The following COPZ2 variants were observed in gnomAD, a reference collection of about 807,000 sequenced individuals.
The protein encoded by COPZ2 is coatomer subunit zeta-2.
In COPZ2, 30 loss-of-function variants were observed where a neutral mutation model predicts 33.2. The ratio of observed to expected loss-of-function variants is 0.90; its 90% confidence interval spans 0.68 to 1.23. COPZ2 has a LOEUF of 1.23. COPZ2 is among the 50% of genes most tolerant of loss of function. The probability of loss-of-function intolerance (pLI) is 0.00; values close to 1 mark genes in which losing one functional copy is unlikely to be tolerated. For missense variants in COPZ2, 263 were observed against 262.4 expected (o/e 1.00, Z -0.02); for synonymous variants, 89 against 102.6 (o/e 0.87, Z 0.80).
chr17:48,029,273 C>G, intron 6 of COPZ2, 97 bp from the exon 7 acceptor site: 2 of 1,048,250 alleles, frequency 1.9e-6, no homozygotes, highest in South Asian at 1.4e-5. Context: ...CCGAAGGCAT[C>G]CTGCAACATC....
intron 2 of COPZ2, 47 bp from the exon 3 acceptor site, chr17:48,033,991 G>T: frequency 7.3e-7 from 1 of 1,361,178 alleles, no homozygotes; most frequent in South Asian, 1.2e-5. Flanking sequence ...CACACAGCCT[G>T]GATCCTCCCT....
rs1423261463 is a variant in COPZ2, at chr17:48,026,463, C to A, written c.598G>T (p.Ala200Ser). 6.2e-7 allele frequency: 1 copy of A among 1,610,814 alleles called. No individual in the cohort carries two copies. The highest frequency in any genetic ancestry group is 8.5e-7 in the Non-Finnish European group (1 of 1,177,290). Residue 200 changes from alanine (A) to serine (S), a missense_variant, in exon 9 of 9, where the codon GCC becomes TCC. Ala to Ser is a moderately conservative substitution (Grantham distance 99). Transcript: ENST00000621465. ...EQSVAQVLQS[A>S]KEQIKWSLLK ...AACGACCATTTAATTTGTTCCTTGG[C>A]AGACTGAAGAACCTGGGGTGGGGTG...
At chr17:48,040,457 G>A (rs892671647), upstream of COPZ2, among the ~76,000 whole-genome samples, 6 of 145,676 alleles carry the variant, frequency 4.1e-5, no homozygotes, top group Non-Finnish European at 6.0e-5. Context: ...TTTTTGAGAC[G>A]GAGTCTTGCT....
intron 8 of COPZ2, 84 bp from the exon 9 acceptor site, chr17:48,026,559 C>T (rs372467812): frequency 4.0e-6 from 4 of 988,628 alleles, no homozygotes; most frequent in Non-Finnish European, 6.3e-6. Flanking sequence ...CACAGCCCAC[C>T]TTGCCGAAGC....
At chr17:48,046,078 C>T in the COPZ2 span, 1 of 152,198 alleles carries the variant, frequency 6.6e-6, no homozygotes, top group African/African-American at 2.4e-5. Flanking sequence ...TGTCTCTACA[C>T]CTTTACTCTC....
upstream of COPZ2, among the ~76,000 whole-genome samples, chr17:48,040,665 T>C (rs1446561157): frequency 6.7e-6 from 1 of 148,614 alleles, no homozygotes; most frequent in Non-Finnish European, 1.5e-5. Context: ...TCTCTTGACC[T>C]TGTGATCTGC....
In COPZ2 at chr17:48,029,185, T is replaced by C. The variant is rs2036856644; in HGVS notation, c.495-9A>G. 1 of 1,569,260 alleles carries C rather than the reference T, an allele frequency of 6.4e-7. No homozygotes were observed. The highest frequency in any genetic ancestry group is 1.9e-5 in the Admixed American group (1 of 53,114). Reference sequence around the variant, plus strand: ...CACTCTCCAGAATCACACTACAAGATGAGAGGAAAAACCAGGAGGCAAATC... The same window carrying C: ...CACTCTCCAGAATCACACTACAAGACGAGAGGAAAAACCAGGAGGCAAATC... On this transcript the variant is annotated splice_polypyrimidine_tract_variant and intron_variant, in intron 6 of 8. Coordinates refer to ENST00000621465, the MANE Select transcript of COPZ2 (RefSeq NM_016429.4).
chr17:48,043,586 G>A, the COPZ2 span: 3 of 984,884 alleles, frequency 3.0e-6, no homozygotes, highest in Non-Finnish European at 3.6e-6. Flanking sequence ...ACCATTCTAA[G>A]GACAGCTCTC....
upstream of COPZ2, among the ~76,000 whole-genome samples, chr17:48,041,800 G>A (rs2037064584): frequency 1.5e-5 from 2 of 133,618 alleles, no homozygotes; most frequent in African/African-American, 5.9e-5. Flanking sequence ...ATTTCTGTGA[G>A]CTAGTCCATT....
chr17:48,042,772 CTT>C (rs1368134469), upstream of COPZ2, among the ~76,000 whole-genome samples: 10 of 152,280 alleles, frequency 6.6e-5, no homozygotes, highest in East Asian at 1.7e-3. Context: ...CATAAAATCT[CTT>C]TACATCTTAG....
upstream of COPZ2, among the ~76,000 whole-genome samples, chr17:48,041,168 GACA>G (rs2037058199): frequency 9.5e-6 from 1 of 105,202 alleles, no homozygotes; most frequent in Non-Finnish European, 2.0e-5. Flanking sequence ...AAAAAAAAAA[GACA>G]ACATATTTTA....
At position 48,033,281 on chromosome 17, in the gene COPZ2, C is replaced by T. The variant is rs372127390; in HGVS notation, c.290G>A (p.Gly97Asp). The change falls in exon 4 of 9, where the codon GGT (glycine) becomes GAT (aspartate). Residue 97 changes from glycine (G) to aspartate (D), a missense_variant. Physicochemically the swap from Gly to Asp is moderately conservative, Grantham distance 94. Transcript: ENST00000621465. ...RTESEIAFFG[G>D]MTIVYKNSID... ...GCTGTTCTTGTAGACGATGGTCATA[C>T]CCCCAAAAAATGCAATCTCACCTAG... The T allele has an allele frequency of 9.9e-6, 16 of 1,612,370 alleles. 2 individuals are homozygous for T. The highest frequency in any genetic ancestry group is 9.9e-5 in the South Asian group (9 of 90,766).
chr17:48,040,770 T>TA (rs2037054075), upstream of COPZ2, among the ~76,000 whole-genome samples: 1 of 151,944 alleles, frequency 6.6e-6, no homozygotes, highest in Non-Finnish European at 1.5e-5. Flanking sequence ...AGTAAATGAA[T>TA]AAAGGAATTC....
At chr17:48,044,768 G>A in the COPZ2 span, among the ~76,000 whole-genome samples, 4 of 152,212 alleles carry the variant, frequency 2.6e-5, no homozygotes, top group South Asian at 8.3e-4. Context: ...GTCCGGATTT[G>A]CCAGAAAACT....
At chr17:48,044,722 CTGA>C in the COPZ2 span, among the ~76,000 whole-genome samples, 1 of 152,128 alleles carries the variant, frequency 6.6e-6, no homozygotes, top group South Asian at 2.1e-4. Flanking sequence ...AACAAGCTTG[CTGA>C]TGATGTTTAC....
rs1241346841 is a variant in COPZ2 at position 48,028,152 on chromosome 17, G to T, written c.585+320C>A. 2.0e-5 allele frequency among the ~76,000 whole-genome samples: 3 copies of T among 152,134 alleles called. No individual in the cohort carries two copies. The highest frequency in any genetic ancestry group is 1.9e-4 in the East Asian group (1 of 5,196). ...AGGCCTGAGTTCCCAGATTTTTGGG[G>T]TGCACAAGTGACCCAGCCATCTCCA... On this transcript the variant is annotated intron_variant, in intron 8 of 8. Transcript: ENST00000621465. This position sits in a 1 kb window ranked among gnomAD's most constrained non-coding sequence, Gnocchi z 4.5.
chr17:48,043,866 G>T, the COPZ2 span, among the ~76,000 whole-genome samples: 16,184 of 152,170 alleles, frequency 0.11, 1,108 homozygotes, highest in African/African-American at 0.19. Context: ...AGCTCCTTGA[G>T]TGTGACATGT....
At chr17:48,046,775 T>C in the COPZ2 span, 1 of 152,214 alleles carries the variant, frequency 6.6e-6, no homozygotes, top group Non-Finnish European at 1.5e-5. Context: ...TTTCTGCTTT[T>C]AACAGGAAAA....
Position 48,037,621 on chromosome 17 carries a change from G to T in COPZ2, c.111+46C>A. 1 of 1,059,378 alleles carries T rather than the reference G, an allele frequency of 9.4e-7. No individual in the cohort carries two copies. The allele number at this position is 1,059,378 out of a possible 1,614,324, so 65.6% of individuals were successfully genotyped here. ...CTCCCCCTAACCCTGCTCTGTCCCT[G>T]CCCAGCTCCCGCCGCCCGGGATCCC... On this transcript the variant is annotated intron_variant, in intron 1 of 8. Coordinates refer to ENST00000621465, the MANE Select transcript of COPZ2 (RefSeq NM_016429.4). This position sits in a 1 kb window ranked among gnomAD's most constrained non-coding sequence, Gnocchi z 5.6.
Sources: gnomAD v4.1 joint callset for allele counts (sites outside exome capture counted in the v4.1 genomes callset) on GRCh38, gnomAD v4.1.1 for gene constraint, Gnocchi (gnomAD v3.1) non-coding constraint, MANE v1.5 for transcripts, NCBI Gene and HGNC (gene_info 2026-07-23, HGNC 2026-07-21) for gene names.